DLGAP1: variants seen among roughly 807,000 people sequenced by gnomAD.
DLGAP1 encodes the protein DLG associated protein 1, also known as disks large-associated protein 1.
A neutral mutation model predicts 90.8 loss-of-function variants in DLGAP1; 11 were observed. The observed-to-expected ratio is 0.12, with a 90% CI of 0.08 to 0.20. DLGAP1 has a LOEUF of 0.20. Among genes scored for constraint, DLGAP1 ranks in the 10% least tolerant of loss-of-function variants. DLGAP1 has a pLI of 1.00. For missense variants in DLGAP1, 1,050 were observed against 1,333.8 expected, an observed-to-expected ratio of 0.79 and a Z score of 3.31; for synonymous variants, 558 against 540.7, an observed-to-expected ratio of 1.03 and a Z score of -0.44.
chr18:3,824,137 C>A (rs1462652527), intron 4 of DLGAP1, among the ~76,000 whole-genome samples: 1 of 152,018 alleles, frequency 6.6e-6, no homozygotes, highest in Non-Finnish European at 1.5e-5. Flanking sequence ...TCATAGCTTT[C>A]CATTATTGTT....
chr18:3,842,253 T>C (rs1352684883), intron 4 of DLGAP1, among the ~76,000 whole-genome samples: 2 of 151,624 alleles, frequency 1.3e-5, no homozygotes, highest in African/African-American at 4.9e-5. Context: ...AAATGCAGAG[T>C]GGACAGAGGG....
At chr18:3,563,830 A>G (rs911871474) in intron 9 of DLGAP1, among the ~76,000 whole-genome samples, 2 of 152,100 alleles carry the variant, frequency 1.3e-5, no homozygotes, top group Non-Finnish European at 2.9e-5. Context: ...TTCTATTGTT[A>G]TATCCTCAAG....
At chr18:3,557,973 T>C (rs539498523) in intron 9 of DLGAP1, among the ~76,000 whole-genome samples, 1 of 152,236 alleles carries the variant, frequency 6.6e-6, no homozygotes, top group South Asian at 2.1e-4. Context: ...ACCCAGAATA[T>C]GTTCTGCCCT....
chr18:3,557,511 G>A (rs1295217610), intron 9 of DLGAP1, among the ~76,000 whole-genome samples: 1 of 151,858 alleles, frequency 6.6e-6, no homozygotes, highest in Non-Finnish European at 1.5e-5. Flanking sequence ...GACAGAGTGA[G>A]ATTTCGTCTC....
intron 3 of DLGAP1, among the ~76,000 whole-genome samples, chr18:3,967,679 C>T (rs994690438): frequency 6.6e-6 from 1 of 152,180 alleles, no homozygotes; most frequent in Admixed American, 6.5e-5. Context: ...TAGTATTGAT[C>T]ACTCTCTGTT....
chr18:4,425,814 A>G (rs1007758431), intron 1 of DLGAP1, among the ~76,000 whole-genome samples: 1 of 152,154 alleles, frequency 6.6e-6, no homozygotes, highest in Admixed American at 6.5e-5. Context: ...AACTCCCCCA[A>G]TATGACCATA....
intron 1 of DLGAP1, among the ~76,000 whole-genome samples, chr18:4,163,966 C>T (rs986962926): frequency 3.9e-5 from 6 of 152,170 alleles, no homozygotes; most frequent in Non-Finnish European, 7.3e-5. Flanking sequence ...CACTGAGAGA[C>T]ATCCAGGGGC....
At chr18:4,069,168 G>T (rs879941924) in intron 2 of DLGAP1, among the ~76,000 whole-genome samples, 8 of 152,130 alleles carry the variant, frequency 5.3e-5, no homozygotes, top group African/African-American at 1.9e-4. Flanking sequence ...TAAAGTGTAA[G>T]TTCTTCCACA....
chr18:4,394,683 T>A lies in DLGAP1; in HGVS notation c.-267+60323A>T, dbSNP rs113305895. Among the ~76,000 whole-genome samples the A allele has an allele frequency of 5.6e-3, 854 of 152,344 alleles. 6 individuals are homozygous for A. The highest frequency in any genetic ancestry group is 0.02 in the African/African-American group (821 of 41,568). ...ATCTTCTTTGTAATACAAATTCCTATGCCAGTGTATCAGATAATTAATTTT... is the reference window on the plus strand; with the variant it reads ...ATCTTCTTTGTAATACAAATTCCTAAGCCAGTGTATCAGATAATTAATTTT... On this transcript the variant is annotated intron_variant, in intron 1 of 12. Transcript: ENST00000315677.
intron 1 of DLGAP1, among the ~76,000 whole-genome samples, chr18:4,287,090 T>G (rs187759514): frequency 4.0e-3 from 611 of 152,280 alleles, no homozygotes; most frequent in Non-Finnish European, 7.3e-3. Context: ...GCATATATAG[T>G]AGATCTGATC....
Position 3,517,347 on chromosome 18 carries a change from A to T in DLGAP1, c.2480-8686T>A, listed in dbSNP as rs2050903932. 6.6e-6 allele frequency among the ~76,000 whole-genome samples: 1 copy of T among 152,218 alleles called. No individual in the cohort carries two copies. On this transcript the variant is annotated intron_variant, in intron 10 of 12. Transcript: ENST00000315677. The surrounding 1 kb of genome is among the most constrained non-coding windows in gnomAD (Gnocchi z 4.1). ...TCTGTTGTTTAGTGTAATCATCTTC[A>T]TCAATGATCTTAGCTAGATCTTCTG...
At chr18:3,757,496 C>G (rs1257073827) in intron 5 of DLGAP1, among the ~76,000 whole-genome samples, 1 of 152,094 alleles carries the variant, frequency 6.6e-6, no homozygotes, top group Non-Finnish European at 1.5e-5. Flanking sequence ...AAATTCCCAA[C>G]AAAACAATAG....
intron 10 of DLGAP1, among the ~76,000 whole-genome samples, chr18:3,525,202 G>A (rs543323395): frequency 6.2e-4 from 94 of 151,358 alleles, no homozygotes; most frequent in Non-Finnish European, 1.2e-3. Flanking sequence ...AGCCTTACTC[G>A]TAGAAGATGG....
chr18:4,307,864 C>T (rs896653666), intron 1 of DLGAP1, among the ~76,000 whole-genome samples: 2 of 151,992 alleles, frequency 1.3e-5, no homozygotes, highest in Non-Finnish European at 2.9e-5. Context: ...TACAGGCATG[C>T]GCCACCACGC....
rs115581668 is a variant in DLGAP1, at chr18:3,863,340, T to C, written c.957+15772A>G. On this transcript the variant is annotated intron_variant, in intron 4 of 12. Coordinates refer to ENST00000315677, the MANE Select transcript of DLGAP1 (RefSeq NM_004746.4). ...CCTCATGTGTTCATCCAGTTTCTCATAGCACATTTTTAATAACAAGAAACT... is the reference window on the plus strand; with the variant it reads ...CCTCATGTGTTCATCCAGTTTCTCACAGCACATTTTTAATAACAAGAAACT... Among the ~76,000 whole-genome samples the C allele has an allele frequency of 3.9e-3, 590 of 152,302 alleles. 5 individuals carry two copies. The highest frequency in any genetic ancestry group is 0.013 in the African/African-American group (547 of 41,562).
intron 1 of DLGAP1, among the ~76,000 whole-genome samples, chr18:4,315,898 T>A (rs930072236): frequency 6.6e-6 from 1 of 152,326 alleles, no homozygotes; most frequent in African/African-American, 2.4e-5. Flanking sequence ...ATGGCTGAAC[T>A]GATGGTTTTC....
chr18:3,698,150 C>T (rs2061157294), intron 7 of DLGAP1, among the ~76,000 whole-genome samples: 1 of 152,278 alleles, frequency 6.6e-6, no homozygotes, highest in Middle Eastern at 3.4e-3. Context: ...ATTTGCCACT[C>T]TGTGTCTTTT....
chr18:4,106,619 G>A (rs2075873295), intron 2 of DLGAP1, among the ~76,000 whole-genome samples: 1 of 152,196 alleles, frequency 6.6e-6, no homozygotes, highest in African/African-American at 2.4e-5. Context: ...GCAGAGGGCA[G>A]AACAGAGGAA....
intron 4 of DLGAP1, among the ~76,000 whole-genome samples, chr18:3,858,254 C>G (rs1343672632): frequency 6.6e-6 from 1 of 152,088 alleles, no homozygotes; most frequent in Non-Finnish European, 1.5e-5. Flanking sequence ...AGTTCAATCA[C>G]TAAGTCCAGG....
Sources: allele counts gnomAD v4.1 joint callset (sites outside exome capture counted in the v4.1 genomes callset), GRCh38; gene constraint gnomAD v4.1.1; non-coding constraint Gnocchi (gnomAD v3.1); transcripts MANE v1.5; gene names NCBI Gene and HGNC (gene_info 2026-07-23, HGNC 2026-07-21).